The following LRP1B variants were observed in gnomAD, a reference collection of about 807,000 sequenced individuals.
LRP1B encodes LDL receptor related protein 1B.
In LRP1B, 217 loss-of-function variants were observed where a neutral mutation model predicts 556.6. The ratio of observed to expected loss-of-function variants is 0.39; its 90% CI spans 0.35 to 0.44. The LOEUF is 0.44. Ranked by LOEUF, LRP1B falls within the 20% of genes least tolerant of loss-of-function variation. The probability of loss-of-function intolerance (pLI) is 1.00; values close to 1 mark genes in which losing one functional copy is unlikely to be tolerated. For synonymous variants in LRP1B, 2,047 were observed against 1,865.8 expected (o/e 1.10, Z -2.50); for missense variants, 5,053 against 5,620.8 (o/e 0.90, Z 3.23).
intron 2 of LRP1B, among the ~76,000 whole-genome samples, chr2:141,532,761 A>C (rs1326131934): frequency 6.6e-6 from 1 of 152,076 alleles, no homozygotes; most frequent in East Asian, 1.9e-4. Context: ...CAAGGCAGGC[A>C]GATCACCTGA....
rs200128756 is a variant in LRP1B at position 141,544,334 on chromosome 2, C to CTT, written c.206-63803_206-63802dup. ...TCTTCTTCTTCTTCTTCTTCTTCTT[C>CTT]TTCTTCTTCTTCTTCTTCTTCTTCT... is the stretch of plus-strand genomic sequence containing the variant. On this transcript the variant is annotated intron_variant, in intron 2 of 90. Coordinates refer to ENST00000389484, the MANE Select transcript of LRP1B (RefSeq NM_018557.3). 4.7e-3 allele frequency among the ~76,000 whole-genome samples: 313 copies of CTT among 66,388 alleles called. 7 individuals carry two copies. Among genetic ancestry groups the CTT allele is most frequent in the East Asian group, 0.013 (24 of 1,788 alleles). 43.6% of individuals were successfully genotyped at this position (66,388 alleles called of 152,430 possible).
chr2:140,664,855 T>G (rs1685213648), intron 41 of LRP1B, among the ~76,000 whole-genome samples: 1 of 152,116 alleles, frequency 6.6e-6, no homozygotes, highest in Non-Finnish European at 1.5e-5. Flanking sequence ...TAAAAAAAAT[T>G]CTGATATCTG....
At chr2:140,259,490 A>AT (rs775870654) in intron 86 of LRP1B, among the ~76,000 whole-genome samples, 8 of 151,830 alleles carry the variant, frequency 5.3e-5, no homozygotes, top group African/African-American at 9.7e-5. Flanking sequence ...AAAATAAATC[A>AT]TTTTTCTATT....
Position 141,377,911 on chromosome 2 carries a change from C to T in LRP1B, c.343+102485G>A, listed in dbSNP as rs549401831. Reference sequence around the variant, plus strand: ...AAATGCCTCCTATATAAAGACAGCACCAAATGAAAAATGTTTTTAAGATAT... The same window carrying T: ...AAATGCCTCCTATATAAAGACAGCATCAAATGAAAAATGTTTTTAAGATAT... On this transcript the variant is annotated intron_variant, in intron 3 of 90. Transcript: ENST00000389484. Among the ~76,000 whole-genome samples the T allele has an allele frequency of 2.2e-4, 33 of 152,106 alleles. 1 individual carries two copies. The East Asian group carries it at 6.2e-3, about 28-fold the overall frequency.
chr2:141,894,635 TTAGATC>T lies in LRP1B; in HGVS notation c.83-84240_83-84235del, dbSNP rs6146947. Among the ~76,000 whole-genome samples the T allele has an allele frequency of 1.4e-3, 204 of 147,818 alleles. 4 individuals carry two copies. The highest frequency in any genetic ancestry group is 0.01 in the South Asian group (47 of 4,556). ...CAAGAGGATATTCTAAATAGAATATTTAGATCTAGATCTAGATCTAGATCTAGATCT... is the reference window on the plus strand; with the variant it reads ...CAAGAGGATATTCTAAATAGAATATTTAGATCTAGATCTAGATCTAGATCT... On this transcript the variant is annotated intron_variant, in intron 1 of 90. Coordinates refer to ENST00000389484, the MANE Select transcript of LRP1B (RefSeq NM_018557.3).
intron 1 of LRP1B, among the ~76,000 whole-genome samples, chr2:141,876,459 G>GA (rs1239932737): frequency 1.3e-5 from 2 of 151,922 alleles, no homozygotes; most frequent in Non-Finnish European, 2.9e-5. Flanking sequence ...TAGTAATCAA[G>GA]AGAGACATAA....
intron 21 of LRP1B, among the ~76,000 whole-genome samples, chr2:140,914,722 G>C (rs986026197): frequency 6.6e-6 from 1 of 152,062 alleles, no homozygotes; most frequent in Non-Finnish European, 1.5e-5. Context: ...ATGGGCAAGG[G>C]AAAGTGAAAT....
At chr2:140,789,501 T>C (rs1690031352) in intron 32 of LRP1B, among the ~76,000 whole-genome samples, 2 of 152,104 alleles carry the variant, frequency 1.3e-5, no homozygotes, top group Non-Finnish European at 2.9e-5. Context: ...AAGGTTTTAC[T>C]ATAGTGGGTA....
intron 2 of LRP1B, among the ~76,000 whole-genome samples, chr2:141,732,647 A>T (rs1424612775): frequency 1.8e-4 from 27 of 152,170 alleles, no homozygotes; most frequent in Admixed American, 1.8e-3. Context: ...AGATTTCACC[A>T]GAAAATGATC....
chr2:142,051,479 GTT>G (rs540052313), intron 1 of LRP1B, among the ~76,000 whole-genome samples: 2 of 35,798 alleles, frequency 5.6e-5, no homozygotes, highest in Non-Finnish European at 7.9e-5. Context: ...TTGTTTTTTT[GTT>G]TTTTTTTTGT....
chr2:142,065,853 G>T (rs1225808497), intron 1 of LRP1B, among the ~76,000 whole-genome samples: 1 of 151,236 alleles, frequency 6.6e-6, no homozygotes, highest in African/African-American at 2.4e-5. Flanking sequence ...AGATCCCTTT[G>T]AAATCATTGA....
At chr2:141,530,724 T>C (rs533625535) in intron 2 of LRP1B, among the ~76,000 whole-genome samples, 4 of 152,082 alleles carry the variant, frequency 2.6e-5, no homozygotes, top group African/African-American at 7.2e-5. Flanking sequence ...ATCATCTGAA[T>C]TGATGCCCAA....
chr2:141,711,897 T>A (rs1016636017), intron 2 of LRP1B, among the ~76,000 whole-genome samples: 3 of 151,960 alleles, frequency 2.0e-5, no homozygotes, highest in East Asian at 1.9e-4. Flanking sequence ...TAACTGGAGT[T>A]TTTCTGTCTC....
intron 2 of LRP1B, among the ~76,000 whole-genome samples, chr2:141,524,018 A>C (rs1684611121): frequency 1.3e-5 from 2 of 152,096 alleles, no homozygotes; most frequent in Non-Finnish European, 1.5e-5. Flanking sequence ...TTTCTGTATA[A>C]ATTTTTCATT....
chr2:141,665,888 T>C (rs897196859), intron 2 of LRP1B, among the ~76,000 whole-genome samples: 1 of 151,988 alleles, frequency 6.6e-6, no homozygotes, highest in African/African-American at 2.4e-5. Context: ...TGTTCTCACT[T>C]ATAAGTGGGA....
At chr2:140,533,540 T>C (rs560416536) in intron 47 of LRP1B, among the ~76,000 whole-genome samples, 1 of 152,230 alleles carries the variant, frequency 6.6e-6, no homozygotes, top group Non-Finnish European at 1.5e-5. Flanking sequence ...AGGCATACTC[T>C]GTTAGCCCAG....
At chr2:141,189,143 G>C (rs1681385646) in intron 6 of LRP1B, among the ~76,000 whole-genome samples, 1 of 151,960 alleles carries the variant, frequency 6.6e-6, no homozygotes, top group Non-Finnish European at 1.5e-5. Flanking sequence ...CTTAGGAATT[G>C]TAAAAAAGGC....
intron 2 of LRP1B, among the ~76,000 whole-genome samples, chr2:141,573,623 C>A (rs1024910056): frequency 4.8e-5 from 6 of 125,040 alleles, no homozygotes; most frequent in Non-Finnish European, 8.1e-5. Context: ...TATAGATGCA[C>A]GAAAAACCCT....
intron 3 of LRP1B, among the ~76,000 whole-genome samples, chr2:141,416,310 T>A (rs888342404): frequency 2.0e-5 from 3 of 152,144 alleles, no homozygotes; most frequent in Admixed American, 6.5e-5. Flanking sequence ...AATTACTTAA[T>A]AATTGTTTTT....
Sources: allele counts gnomAD v4.1 joint callset (sites outside exome capture counted in the v4.1 genomes callset), GRCh38; gene constraint gnomAD v4.1.1; transcripts MANE v1.5; gene names NCBI Gene and HGNC (gene_info 2026-07-23, HGNC 2026-07-21).